The following ANKFY1 variants were observed in gnomAD, a reference collection of about 807,000 sequenced individuals.
The protein encoded by ANKFY1 is ankyrin repeat and FYVE domain containing 1, also known as ankyrin repeat and FYVE domain-containing protein 1.
In ANKFY1, 47 loss-of-function variants were observed where a neutral mutation model predicts 128.3. The ratio of observed to expected loss-of-function variants is 0.37; its 90% CI spans 0.29 to 0.47. The LOEUF is 0.47. Among genes scored for constraint, ANKFY1 ranks in the 20% least tolerant of loss-of-function variants. The probability of loss-of-function intolerance (pLI) is 1.00; values close to 1 mark genes in which losing one functional copy is unlikely to be tolerated. For synonymous variants in ANKFY1, 553 were observed against 601.6 expected, an observed-to-expected ratio of 0.92 and a Z score of 1.18; for missense variants, 1,222 against 1,510.6, an observed-to-expected ratio of 0.81 and a Z score of 3.17.
chr17:4,222,697 C>T (rs1048262888), intron 3 of ANKFY1: 2 of 864,536 alleles, frequency 2.3e-6, no homozygotes, highest in Admixed American at 1.7e-5. Context: ...CCAACCACTT[C>T]TACGCGTGTT....
At chr17:4,246,513 G>A (rs576668010) in intron 1 of ANKFY1, among the ~76,000 whole-genome samples, 111 of 152,302 alleles carry the variant, frequency 7.3e-4, no homozygotes, top group Non-Finnish European at 1.3e-3. Flanking sequence ...GATGGCTATA[G>A]TATATACCAC....
intron 3 of ANKFY1, chr17:4,223,331 A>G: frequency 6.7e-7 from 1 of 1,502,028 alleles, no homozygotes; most frequent in Non-Finnish European, 9.3e-7. Flanking sequence ...TCCACAGGCA[A>G]TTTCTCAACA....
chr17:4,204,974 A>G (rs2059995522), intron 7 of ANKFY1, among the ~76,000 whole-genome samples: 2 of 152,236 alleles, frequency 1.3e-5, no homozygotes. Flanking sequence ...CACATGGCTT[A>G]TAAGGATACT....
chr17:4,199,824 A>G (rs2059895079), intron 7 of ANKFY1, among the ~76,000 whole-genome samples: 1 of 152,242 alleles, frequency 6.6e-6, no homozygotes, highest in Admixed American at 6.5e-5. Context: ...TGTAAGATTA[A>G]AAGTTCAGTC....
Position 4,235,790 on chromosome 17 carries a change from T to C in ANKFY1, c.304A>G (p.Lys102Glu). 1 of 1,614,136 alleles carries C rather than the reference T, an allele frequency of 6.2e-7. No homozygotes were observed. The highest frequency in any genetic ancestry group is 8.5e-7 in the Non-Finnish European group (1 of 1,179,978). The change falls in exon 3 of 25, where the codon AAA (lysine) becomes GAA (glutamate). Residue 102 changes from lysine to glutamate, a missense_variant. By Grantham distance (56) the Lys-to-Glu change is moderately conservative (BLOSUM62 1). Transcript: ENST00000341657. ...SWSLANLSST[K>E]ELDLSDANPE... Reference sequence around the variant, plus strand: ...GGCTCACCTGACAGGTCCAACTCTTTAGTGGAAGACAAGTTAGCCAGACTC... The same window carrying C: ...GGCTCACCTGACAGGTCCAACTCTTCAGTGGAAGACAAGTTAGCCAGACTC...
chr17:4,222,635 T>C (rs1598103287), intron 3 of ANKFY1: 2 of 1,000,026 alleles, frequency 2.0e-6, no homozygotes, highest in Non-Finnish European at 3.2e-6. Flanking sequence ...TTTACCGTCT[T>C]AAATTTTAAA....
intron 1 of ANKFY1, among the ~76,000 whole-genome samples, chr17:4,262,911 G>C (rs1399521856): frequency 6.6e-6 from 1 of 152,166 alleles, no homozygotes; most frequent in South Asian, 2.1e-4. Flanking sequence ...CAACTGTCAG[G>C]TGCTGCCCAA....
At chr17:4,255,318 C>G (rs917202326) in intron 1 of ANKFY1, among the ~76,000 whole-genome samples, 2 of 142,734 alleles carry the variant, frequency 1.4e-5, no homozygotes, top group African/African-American at 5.3e-5. Flanking sequence ...GTGATCTTGG[C>G]TCATGGCAAC....
At chr17:4,172,485 C>G (rs2059339461) in intron 22 of ANKFY1, 71 bp downstream of exon 22, 1 of 1,573,524 alleles carries the variant, frequency 6.4e-7, no homozygotes, top group South Asian at 1.2e-5. Context: ...ACGACGTGTG[C>G]CTGGGCTCTT....
intron 5 of ANKFY1, among the ~76,000 whole-genome samples, chr17:4,209,393 C>T (rs1044619297): frequency 1.3e-5 from 2 of 152,182 alleles, no homozygotes; most frequent in Non-Finnish European, 2.9e-5. Context: ...CTCCGCCTCC[C>T]GGGTTTACGT....
chr17:4,228,452 T>G (rs2060461953), intron 3 of ANKFY1, among the ~76,000 whole-genome samples: 1 of 151,912 alleles, frequency 6.6e-6, no homozygotes, highest in African/African-American at 2.4e-5. Flanking sequence ...AGTCTCACTC[T>G]GTCGTCCAGA....
intron 7 of ANKFY1, among the ~76,000 whole-genome samples, chr17:4,202,582 A>C (rs1250102817): frequency 1.3e-5 from 2 of 148,858 alleles, no homozygotes; most frequent in East Asian, 4.0e-4. Context: ...CTGTAGTCCC[A>C]GCTACACGGG....
intron 1 of ANKFY1, among the ~76,000 whole-genome samples, chr17:4,257,664 A>C (rs1176666740): frequency 6.6e-6 from 1 of 152,196 alleles, no homozygotes; most frequent in Non-Finnish European, 1.5e-5. Flanking sequence ...GTAACTCCTA[A>C]GCATTTTTTA....
At chr17:4,237,533 ATAACT>A (rs1168127214) in intron 2 of ANKFY1, among the ~76,000 whole-genome samples, 8 of 152,156 alleles carry the variant, frequency 5.3e-5, no homozygotes, top group African/African-American at 1.2e-4. Context: ...TTACATCCTA[ATAACT>A]TAAACAGATT....
At chr17:4,222,661 A>G in intron 3 of ANKFY1, 1 of 906,288 alleles carries the variant, frequency 1.1e-6, no homozygotes. Context: ...GAAAATGTGC[A>G]CCAAAAATGG....
At chr17:4,249,134 G>C (rs1967709160) in intron 1 of ANKFY1, 2 of 985,210 alleles carry the variant, frequency 2.0e-6, no homozygotes, top group Admixed American at 6.1e-5. Context: ...AACCAAGAAT[G>C]ATTTTTAGAA....
intron 14 of ANKFY1, 109 bp downstream of exon 14, chr17:4,183,289 T>C (rs1228107028): frequency 7.5e-7 from 1 of 1,332,910 alleles, no homozygotes. Flanking sequence ...CTGTTTCCTT[T>C]CCTCTAACTA....
Position 4,178,270 on chromosome 17 carries a change from G to A in ANKFY1, c.2598+587C>T, listed in dbSNP as rs977641755. The A allele has an allele frequency of 1.3e-5, 2 of 154,732 alleles. No homozygotes were observed. Among genetic ancestry groups the A allele is most frequent in the African/African-American group, 2.4e-5 (1 of 41,454 alleles). 9.6% of individuals were successfully genotyped at this position (154,732 alleles called of 1,614,324 possible). On this transcript the variant is annotated intron_variant, in intron 18 of 24. Transcript: ENST00000341657. The surrounding 1 kb of genome is among the most constrained non-coding windows in gnomAD (Gnocchi z 4.1). ...CCATCTCACCTTCATGAATGCCACT[G>A]ATAAATGCGCCAGTACTCTAGGTGC...
chr17:4,189,661 GAGTAGGCCCACACCAGAC>G (rs1567925602), intron 10 of ANKFY1, among the ~76,000 whole-genome samples, 182 bp from the exon 11 acceptor site: 99 of 133,658 alleles, frequency 7.4e-4, no homozygotes, highest in East Asian at 3.6e-3. Context: ...CCACGCCAGA[GAGTAGGCCCACACCAGAC>G]AGTAGGCCCA....
Sources: allele counts gnomAD v4.1 joint callset (sites outside exome capture counted in the v4.1 genomes callset), GRCh38; gene constraint gnomAD v4.1.1; non-coding constraint Gnocchi (gnomAD v3.1); transcripts MANE v1.5; gene names NCBI Gene and HGNC (gene_info 2026-07-23, HGNC 2026-07-21).